The following EDNRA variants were observed in gnomAD, a reference collection of about 807,000 sequenced individuals.
The protein encoded by EDNRA is endothelin-1 receptor.
EDNRA carries 11 observed loss-of-function variants against 41.4 expected under a neutral mutation model. The ratio of observed to expected loss-of-function variants is 0.27; its 90% CI spans 0.17 to 0.44. EDNRA has a LOEUF of 0.44. Ranked by LOEUF, EDNRA falls within the 20% of genes least tolerant of loss-of-function variation. EDNRA has a pLI of 1.00. For missense variants in EDNRA, 294 were observed against 531.0 expected (o/e 0.55, Z 4.39); for synonymous variants, 172 against 183.0 (o/e 0.94, Z 0.49).
At chr4:147,528,492 A>G (rs1213190472) in intron 3 of EDNRA, among the ~76,000 whole-genome samples, 2 of 151,520 alleles carry the variant, frequency 1.3e-5, no homozygotes, top group African/African-American at 2.4e-5. Context: ...CCAAGGGAAT[A>G]TAGGCATGCA....
At chr4:147,488,301 A>G (rs1281460704) in intron 2 of EDNRA, 1 of 152,204 alleles carries the variant, frequency 6.6e-6, no homozygotes, top group Non-Finnish European at 1.5e-5. Context: ...TTCCATGGCA[A>G]CGTTTTAAGT....
At chr4:147,512,971 C>G (rs770491218) in intron 2 of EDNRA, among the ~76,000 whole-genome samples, 10 of 152,224 alleles carry the variant, frequency 6.6e-5, no homozygotes, top group Non-Finnish European at 8.8e-5. Context: ...TCTGGATTCT[C>G]TCTTCGCTGG....
intron 3 of EDNRA, among the ~76,000 whole-genome samples, chr4:147,526,008 T>G (rs1397652348): frequency 6.6e-6 from 1 of 152,204 alleles, no homozygotes; most frequent in Non-Finnish European, 1.5e-5. Flanking sequence ...TTTCTCCTTA[T>G]TTTCCTGGTG....
chr4:147,505,905 C>T (rs1235861968), intron 2 of EDNRA, among the ~76,000 whole-genome samples: 2 of 152,070 alleles, frequency 1.3e-5, no homozygotes, highest in Non-Finnish European at 2.9e-5. Flanking sequence ...GCCTTGGCCT[C>T]CCAAAGTGCT....
At chr4:147,507,227 AC>A (rs1729749645) in intron 2 of EDNRA, among the ~76,000 whole-genome samples, 1 of 151,698 alleles carries the variant, frequency 6.6e-6, no homozygotes, top group African/African-American at 2.4e-5. Flanking sequence ...AAAAAAAAAA[AC>A]CCTGTACATT....
chr4:147,540,879 C>T (rs980069697), intron 7 of EDNRA, among the ~76,000 whole-genome samples: 2 of 151,912 alleles, frequency 1.3e-5, no homozygotes, highest in South Asian at 2.1e-4. Context: ...GCTCACTGAT[C>T]GAGACCATCC....
chr4:147,494,150 C>T (rs1035874282), intron 2 of EDNRA: 3 of 152,156 alleles, frequency 2.0e-5, no homozygotes, highest in Non-Finnish European at 2.9e-5. Flanking sequence ...ACTCATTCAC[C>T]ACTTGTTTAC....
chr4:147,491,668 C>A (rs1414677877), intron 2 of EDNRA: 3 of 152,088 alleles, frequency 2.0e-5, no homozygotes, highest in Non-Finnish European at 2.9e-5. Context: ...ATACTATTCC[C>A]CAACTTAGTC....
At chr4:147,487,444 A>G (rs753672725) in intron 2 of EDNRA, among the ~76,000 whole-genome samples, 20 of 152,224 alleles carry the variant, frequency 1.3e-4, no homozygotes, top group Non-Finnish European at 2.1e-4. Flanking sequence ...TCTAAACCCA[A>G]GAAGAGTATT....
intron 7 of EDNRA, among the ~76,000 whole-genome samples, chr4:147,541,904 A>G (rs903111897): frequency 6.6e-6 from 1 of 152,334 alleles, no homozygotes; most frequent in African/African-American, 2.4e-5. Context: ...GGTAAAAATT[A>G]TCAGAAATTA....
chr4:147,539,375 A>G, intron 5 of EDNRA, among the ~76,000 whole-genome samples: 1 of 151,746 alleles, frequency 6.6e-6, no homozygotes, highest in East Asian at 1.9e-4. Flanking sequence ...CTTGCCTTCC[A>G]TGCCATCATT....
rs7686739 is a variant in EDNRA, at chr4:147,504,832, C to G, written c.421-15019C>G. 2.0e-5 allele frequency among the ~76,000 whole-genome samples: 3 copies of G among 151,304 alleles called. No homozygotes were observed. In the South Asian group the frequency reaches 6.3e-4, roughly 32 times the overall value. On this transcript the variant is annotated intron_variant, in intron 2 of 7. Coordinates refer to ENST00000651419, the MANE Select transcript of EDNRA (RefSeq NM_001957.4). ...AGTTAGCCAGGCATGGTGGCATGCA[C>G]CTGTGGTCCCAGCTACTCTGGAGGC...
chr4:147,506,459 G>T, intron 2 of EDNRA: 1 of 357,694 alleles, frequency 2.8e-6, no homozygotes, highest in Admixed American at 3.4e-5. Flanking sequence ...CACAACAACT[G>T]GACAAAGTTG....
rs538591870 is a variant in EDNRA at position 147,486,501 on chromosome 4, G to A, written c.420+400G>A. On this transcript the variant is annotated intron_variant, in intron 2 of 7. Coordinates refer to ENST00000651419, the MANE Select transcript of EDNRA (RefSeq NM_001957.4). The surrounding 1 kb of genome is among the most constrained non-coding windows in gnomAD (Gnocchi z 4.3). ...AAACATATCCTTGAGTTTAGTTACC[G>A]TTGAATATGATGCTGTTCAGAAGCC... Among the ~76,000 whole-genome samples the A allele has an allele frequency of 3.5e-4, 53 of 152,312 alleles. No individual in the cohort carries two copies. The highest frequency in any genetic ancestry group is 1.2e-3 in the African/African-American group (49 of 41,566).
At chr4:147,528,657 G>A (rs1004311558) in intron 3 of EDNRA, among the ~76,000 whole-genome samples, 18 of 152,216 alleles carry the variant, frequency 1.2e-4, no homozygotes, top group African/African-American at 3.9e-4. Flanking sequence ...CTAAAGGAGA[G>A]GGGAGAGCAT....
chr4:147,523,552 T>G (rs1196391683), intron 3 of EDNRA, among the ~76,000 whole-genome samples: 2 of 150,810 alleles, frequency 1.3e-5, no homozygotes, highest in Admixed American at 6.6e-5. Context: ...GTGCAGTGGC[T>G]TGATCTCGGC....
chr4:147,540,119 C>G (rs1035795285), intron 6 of EDNRA, among the ~76,000 whole-genome samples, 169 bp downstream of exon 6: 1 of 152,166 alleles, frequency 6.6e-6, no homozygotes, highest in Non-Finnish European at 1.5e-5. Context: ...AAAATGTGTG[C>G]AAGCCACATC....
chr4:147,503,857 G>C (rs1729596517), intron 2 of EDNRA, among the ~76,000 whole-genome samples: 1 of 151,770 alleles, frequency 6.6e-6, no homozygotes, highest in South Asian at 2.1e-4. Context: ...GATGTTACAA[G>C]TTAAAACTGA....
chr4:147,506,127 C>A, intron 2 of EDNRA: 1 of 526,990 alleles, frequency 1.9e-6, no homozygotes, highest in South Asian at 1.4e-5. Context: ...AGCTAAAGCC[C>A]CTGGAAGAGG....
Sources: allele counts gnomAD v4.1 joint callset (sites outside exome capture counted in the v4.1 genomes callset), GRCh38; gene constraint gnomAD v4.1.1; non-coding constraint Gnocchi (gnomAD v3.1); transcripts MANE v1.5; gene names NCBI Gene and HGNC (gene_info 2026-07-23, HGNC 2026-07-21).